SV2C: variants seen among roughly 807,000 people sequenced by gnomAD.
SV2C encodes the protein solute carrier family 22 member B3.
SV2C carries 49 observed loss-of-function variants against 79.7 expected under a neutral mutation model. The observed-to-expected ratio is 0.61, with a 90% CI of 0.49 to 0.78. The LOEUF is 0.78. SV2C is among the 30% of genes least tolerant of loss of function. The pLI is 0.00. For synonymous variants in SV2C, 334 were observed against 333.2 expected (o/e 1.00, Z -0.03); for missense variants, 833 against 912.9 (o/e 0.91, Z 1.13).
chr5:76,193,654 G>T (rs1159811072), intron 2 of SV2C, among the ~76,000 whole-genome samples: 20 of 152,190 alleles, frequency 1.3e-4, no homozygotes, highest in Admixed American at 1.2e-3. Flanking sequence ...TCAAGGGAAA[G>T]TCCAGGACTT....
At chr5:76,163,791 G>A (rs902847707) in intron 2 of SV2C, among the ~76,000 whole-genome samples, 2 of 152,182 alleles carry the variant, frequency 1.3e-5, no homozygotes, top group Admixed American at 1.3e-4. Context: ...TTGCACCCTT[G>A]AACCTGATAC....
chr5:76,236,090 A>C (rs1179549361), intron 4 of SV2C, among the ~76,000 whole-genome samples: 10 of 152,188 alleles, frequency 6.6e-5, no homozygotes, highest in Non-Finnish European at 1.2e-4. Context: ...TTTTGTTGGC[A>C]CATGCTCCAC....
At chr5:76,237,370 G>C (rs370893243) in intron 4 of SV2C, among the ~76,000 whole-genome samples, 2 of 152,058 alleles carry the variant, frequency 1.3e-5, no homozygotes, top group Non-Finnish European at 2.9e-5. Flanking sequence ...CATAATGTAG[G>C]TTTTCAACAT....
At chr5:75,892,261 T>C in the SV2C span, among the ~76,000 whole-genome samples, 1 of 152,052 alleles carries the variant, frequency 6.6e-6, no homozygotes, top group Non-Finnish European at 1.5e-5. Flanking sequence ...ATAAATTTTT[T>C]TTTAATTTGT....
chr5:75,961,228 A>AT, the SV2C span, among the ~76,000 whole-genome samples: 2 of 151,876 alleles, frequency 1.3e-5, no homozygotes, highest in East Asian at 1.9e-4. Flanking sequence ...GGATTTAATT[A>AT]TTTTTTTGCA....
chr5:76,225,885 A>C (rs749579785), intron 4 of SV2C, among the ~76,000 whole-genome samples: 1 of 152,198 alleles, frequency 6.6e-6, no homozygotes, highest in Non-Finnish European at 1.5e-5. Flanking sequence ...GGGTTTGGCA[A>C]ATGCTCATTG....
chr5:75,937,284 A>T, the SV2C span, among the ~76,000 whole-genome samples: 1 of 152,162 alleles, frequency 6.6e-6, no homozygotes, highest in East Asian at 1.9e-4. Context: ...CCAACATTTT[A>T]TCCATTTTGC....
chr5:76,321,932 T>C (rs956173725), intron 12 of SV2C, among the ~76,000 whole-genome samples: 1 of 152,156 alleles, frequency 6.6e-6, no homozygotes, highest in African/African-American at 2.4e-5. Context: ...TCTTCTGTCA[T>C]ATTTTCTTGG....
At chr5:76,015,259 C>T in the SV2C span, among the ~76,000 whole-genome samples, 1 of 152,162 alleles carries the variant, frequency 6.6e-6, no homozygotes, top group African/African-American at 2.4e-5. Context: ...CATGAAATGA[C>T]TTATGTGGAG....
chr5:75,853,903 TA>T, the SV2C span, among the ~76,000 whole-genome samples: 1 of 150,660 alleles, frequency 6.6e-6, no homozygotes, highest in South Asian at 2.1e-4. Flanking sequence ...AATAAATTCT[TA>T]AAATTGCATG....
At chr5:76,177,936 T>C (rs1430503834) in intron 2 of SV2C, among the ~76,000 whole-genome samples, 1 of 152,220 alleles carries the variant, frequency 6.6e-6, no homozygotes, top group African/African-American at 2.4e-5. Flanking sequence ...TGTGCTGATA[T>C]AGAGGAGATT....
At chr5:76,103,713 A>G (rs1332816123) in intron 1 of SV2C, among the ~76,000 whole-genome samples, 1 of 152,238 alleles carries the variant, frequency 6.6e-6, no homozygotes, top group Admixed American at 6.5e-5. Flanking sequence ...TGTATGCATT[A>G]TCTTATTTAA....
chr5:75,902,546 G>T, the SV2C span, among the ~76,000 whole-genome samples: 2 of 152,164 alleles, frequency 1.3e-5, no homozygotes, highest in African/African-American at 4.8e-5. Flanking sequence ...TTTTCCTTTT[G>T]TTCTTATCCT....
At chr5:76,144,350 C>A (rs954167702) in intron 2 of SV2C, among the ~76,000 whole-genome samples, 6 of 152,106 alleles carry the variant, frequency 3.9e-5, no homozygotes, top group African/African-American at 1.2e-4. Context: ...TGTGGGGCTG[C>A]CATGTAAAAT....
the SV2C span, among the ~76,000 whole-genome samples, chr5:75,891,210 G>C: frequency 6.6e-6 from 1 of 152,062 alleles, no homozygotes; most frequent in Admixed American, 6.6e-5. Flanking sequence ...GCTTTGATCA[G>C]ATTAGACCAC....
the SV2C span, among the ~76,000 whole-genome samples, chr5:75,938,567 T>G: frequency 6.6e-6 from 1 of 152,180 alleles, no homozygotes; most frequent in Non-Finnish European, 1.5e-5. Flanking sequence ...CCATATGATT[T>G]CATTTATATA....
At chr5:76,315,323 TG>T (rs1045036976) in intron 12 of SV2C, among the ~76,000 whole-genome samples, 2 of 151,448 alleles carry the variant, frequency 1.3e-5, no homozygotes, top group Non-Finnish European at 2.9e-5. Flanking sequence ...TTTTTCTCTC[TG>T]AAAAAAAAAA....
chr5:75,867,630 A>G, the SV2C span, among the ~76,000 whole-genome samples: 1 of 152,192 alleles, frequency 6.6e-6, no homozygotes, highest in Non-Finnish European at 1.5e-5. Flanking sequence ...TAAAGCATAC[A>G]TCTGTTATAT....
chr5:76,210,059 G>A (rs1342813104), intron 4 of SV2C, among the ~76,000 whole-genome samples, 172 bp downstream of exon 4: 1 of 152,048 alleles, frequency 6.6e-6, no homozygotes, highest in Non-Finnish European at 1.5e-5. Flanking sequence ...TCTGTATAAA[G>A]TAAGACTGTA....
Sources: gnomAD v4.1 joint callset for allele counts (sites outside exome capture counted in the v4.1 genomes callset) on GRCh38, gnomAD v4.1.1 for gene constraint, MANE v1.5 for transcripts, NCBI Gene and HGNC (gene_info 2026-07-23, HGNC 2026-07-21) for gene names.